Variants in MED16 observed in about 807,000 individuals in gnomAD.
MED16 encodes mediator of RNA polymerase II transcription subunit 16.
A neutral mutation model predicts 84.4 loss-of-function variants in MED16; 81 were observed. The observed-to-expected ratio is 0.96, with a 90% CI of 0.80 to 1.15. The LOEUF is 1.15. Among genes scored for constraint, MED16 ranks in the 50% most tolerant of loss-of-function variants. MED16 has a pLI of 0.00. For missense variants in MED16, 1,585 were observed against 1,245.9 expected, an observed-to-expected ratio of 1.27 and a Z score of -4.10; for synonymous variants, 897 against 552.2, an observed-to-expected ratio of 1.62 and a Z score of -8.76.
In MED16 at chr19:871,949, A is replaced by G; in HGVS notation, c.2075T>C (p.Leu692Pro). The change falls in exon 12 of 16, where the codon CTG becomes CCG. Residue 692 changes from leucine (L) to proline (P), a missense_variant. Physicochemically the swap from Leu to Pro is moderately conservative, Grantham distance 98 (BLOSUM62 -3). Transcript: ENST00000325464. ...TQDSMSLLFRLLTKLWICCRD... is the reference protein window; with the variant it reads ...TQDSMSLLFRPLTKLWICCRD... ...ACAGCAGATCCAGAGCTTGGTGAGC[A>G]GGCGGAAGAGCAGGGACATGCTGTC... The G allele has an allele frequency of 5.0e-6, 8 of 1,588,002 alleles. No individual in the cohort carries two copies. Among genetic ancestry groups the G allele is most frequent in the Non-Finnish European group, 6.8e-6 (8 of 1,169,834 alleles).
chr19:884,078 T>G (rs1253956714), intron 6 of MED16, among the ~76,000 whole-genome samples: 1 of 152,166 alleles, frequency 6.6e-6, no homozygotes, highest in African/African-American at 2.4e-5. Flanking sequence ...TAGTGGCTTC[T>G]GAGGAGCGCC....
At chr19:881,128 T>A (rs1246804631) in intron 7 of MED16, among the ~76,000 whole-genome samples, 1 of 151,778 alleles carries the variant, frequency 6.6e-6, no homozygotes, top group African/African-American at 2.4e-5. Context: ...TAGGGCCGAC[T>A]TGTCCACATT....
chr19:887,753 G>C (rs570416876), intron 4 of MED16, among the ~76,000 whole-genome samples: 13 of 152,166 alleles, frequency 8.5e-5, no homozygotes, highest in Non-Finnish European at 1.5e-4. Context: ...CGCTCAGTAA[G>C]AGATGCCAGA....
rs951875789 is a variant in MED16 at position 876,508 on chromosome 19, G to C, written c.1560+466C>G. On this transcript the variant is annotated intron_variant, in intron 9 of 15. Transcript: ENST00000325464. The stretch of plus-strand genomic sequence containing the variant: ...AACACTGGAGAGGGGAGCCGTCCAG[G>C]GGGGATCAGGCCTTACCTGTGGGGC... 9.2e-5 allele frequency among the ~76,000 whole-genome samples: 14 copies of C among 152,220 alleles called. No homozygotes were observed. In the East Asian group the frequency reaches 1.4e-3, roughly 15 times the overall value.
chr19:879,395 G>C (rs2036356688), intron 8 of MED16, among the ~76,000 whole-genome samples: 1 of 136,738 alleles, frequency 7.3e-6, no homozygotes, highest in Non-Finnish European at 1.6e-5. Context: ...TGCCCCAGCA[G>C]CTCACCTTTC....
At chr19:876,623 C>A (rs549334048) in intron 9 of MED16, among the ~76,000 whole-genome samples, 6 of 152,156 alleles carry the variant, frequency 3.9e-5, no homozygotes, top group Admixed American at 2.0e-4. Flanking sequence ...GGGAGCACAC[C>A]CCACACGCAG....
Position 868,083 on chromosome 19 carries a change from C to A in MED16, c.*18G>T, listed in dbSNP as rs143517669. ...GCCCGAGCCGGGTCACCACAAGGTCCGCCTGGACCCCCGGCCGTCACGGAC... is the reference window on the plus strand; with the variant it reads ...GCCCGAGCCGGGTCACCACAAGGTCAGCCTGGACCCCCGGCCGTCACGGAC... On this transcript the variant is annotated 3_prime_UTR_variant, in exon 16 of 16. Transcript: ENST00000325464. 2 of 1,593,156 alleles carry A rather than the reference C, an allele frequency of 1.3e-6. No homozygotes were observed. Among genetic ancestry groups the A allele is most frequent in the Non-Finnish European group, 1.7e-6 (2 of 1,173,154 alleles).
intron 12 of MED16, 89 bp from the exon 13 acceptor site, chr19:871,342 G>A (rs1048585015): frequency 7.1e-6 from 10 of 1,403,484 alleles, no homozygotes; most frequent in Non-Finnish European, 8.6e-6. Flanking sequence ...TCCAGTTCAG[G>A]AGCACCAGGT....
intron 2 of MED16, 24 bp downstream of exon 2, chr19:890,939 G>GC: frequency 6.2e-7 from 1 of 1,607,352 alleles, no homozygotes; most frequent in Non-Finnish European, 8.5e-7. Context: ...GCCGGGAGGG[G>GC]AAGCAGGTGG....
chr19:892,240 C>T (rs1477934013), intron 1 of MED16: 1 of 164,406 alleles, frequency 6.1e-6, no homozygotes, highest in African/African-American at 2.4e-5. Context: ...CAGGGCCTGC[C>T]CCAGACCCCC....
chr19:876,945 ACGGGGCCC>A (rs1568324720), intron 9 of MED16, 21 bp downstream of exon 9: 16 of 1,581,118 alleles, frequency 1.0e-5, no homozygotes, highest in African/African-American at 6.8e-5. Flanking sequence ...CCCACCTGCC[ACGGGGCCC>A]CACCTGCCAC....
At chr19:877,398 C>T (rs1290526079) in intron 8 of MED16, among the ~76,000 whole-genome samples, 2 of 152,132 alleles carry the variant, frequency 1.3e-5, no homozygotes, top group African/African-American at 2.4e-5. Flanking sequence ...TCCCTGAGCC[C>T]CGACTGCACT....
In MED16 at chr19:880,111, G is replaced by C; in HGVS notation, c.1179C>G (p.Ile393Met). ...TGGTCTGCAGTGAGAGCCGGTGCAC[G>C]ATGTGGACGCTGCCGTCGTGGAAGG... ...ALAFHDGSVHIVHRLSLQTMA... is the reference protein window; with the variant it reads ...ALAFHDGSVHMVHRLSLQTMA... Residue 393 changes from isoleucine to methionine, a missense_variant, in exon 8 of 16, where the codon ATC (isoleucine) becomes ATG (methionine). Coordinates refer to ENST00000325464, the MANE Select transcript of MED16 (RefSeq NM_005481.3). 6.2e-7 allele frequency: 1 copy of C among 1,610,396 alleles called. No homozygotes were observed. The highest frequency in any genetic ancestry group is 8.5e-7 in the Non-Finnish European group (1 of 1,179,362).
intron 13 of MED16, among the ~76,000 whole-genome samples, chr19:869,619 A>AGAGCC (rs919846066): frequency 3.9e-5 from 6 of 152,092 alleles, no homozygotes; most frequent in African/African-American, 1.2e-4. Flanking sequence ...TGGAGGTCCT[A>AGAGCC]GAGCCAAGCC....
chr19:891,289 C>CCTGGGG (rs978528016), intron 1 of MED16, 140 bp from the exon 2 acceptor site: 1 of 829,108 alleles, frequency 1.2e-6, no homozygotes, highest in African/African-American at 1.7e-5. Flanking sequence ...CCAGACAGAG[C>CCTGGGG]CTGGGGCTGG....
At chr19:869,067 G>T in intron 13 of MED16, 121 bp from the exon 14 acceptor site, 1 of 851,076 alleles carries the variant, frequency 1.2e-6, no homozygotes, top group Non-Finnish European at 1.8e-6. Flanking sequence ...CTGCCAGGTG[G>T]GCCCAGATGT....
intron 13 of MED16, among the ~76,000 whole-genome samples, 164 bp downstream of exon 13, chr19:870,873 G>A (rs1298651384): frequency 1.5e-5 from 2 of 136,648 alleles, no homozygotes; most frequent in Non-Finnish European, 3.1e-5. Flanking sequence ...GAGCCGTGTG[G>A]ATTCGGGGGG....
At chr19:883,105 C>G (rs1041150377) in intron 6 of MED16, among the ~76,000 whole-genome samples, 1 of 152,226 alleles carries the variant, frequency 6.6e-6, no homozygotes, top group South Asian at 2.1e-4. Flanking sequence ...TACATCCCCT[C>G]CTCCATCCAA....
In MED16 at chr19:879,934, C is replaced by T. The variant is rs987075937; in HGVS notation, c.1353+3G>A. The T allele has an allele frequency of 1.9e-6, 3 of 1,595,660 alleles. No individual in the cohort carries two copies. Among genetic ancestry groups the T allele is most frequent in the Non-Finnish European group, 8.5e-7 (1 of 1,172,674 alleles). On this transcript the variant is annotated splice_donor_region_variant and intron_variant, in intron 8 of 15. Coordinates refer to ENST00000325464, the MANE Select transcript of MED16 (RefSeq NM_005481.3). ...CCCGGCCCCACGTGCCCCAGCAGCT[C>T]ACCTTCCCGTGGCTGTCAATCCCCA...
Sources: gnomAD v4.1 joint callset for allele counts (sites outside exome capture counted in the v4.1 genomes callset) on GRCh38, gnomAD v4.1.1 for gene constraint, MANE v1.5 for transcripts, NCBI Gene and HGNC (gene_info 2026-07-23, HGNC 2026-07-21) for gene names.